PCDHGB4: variants seen among roughly 807,000 people sequenced by gnomAD.
PCDHGB4 encodes protocadherin gamma-B4.
A neutral mutation model predicts 60.5 loss-of-function variants in PCDHGB4; 38 were observed. That is an observed-to-expected ratio of 0.63 (90% CI 0.48 to 0.82). The LOEUF (loss-of-function observed/expected upper bound fraction) is 0.82. Ranked by LOEUF, PCDHGB4 falls within the 40% of genes least tolerant of loss-of-function variation. The probability of loss-of-function intolerance (pLI) is 0.00; values close to 1 mark genes in which losing one functional copy is unlikely to be tolerated. For missense variants in PCDHGB4, 1,109 were observed against 1,209.6 expected (o/e 0.92, Z 1.23); for synonymous variants, 456 against 509.7 (o/e 0.89, Z 1.42).
At position 141,421,347 on chromosome 5, in the gene PCDHGB4, C is replaced by T. The variant is rs147068995; in HGVS notation, c.2397+31066C>T. 359 of 1,613,948 alleles carry T rather than the reference C, an allele frequency of 2.2e-4. 2 individuals carry two copies. In the East Asian group the frequency reaches 6.5e-3, roughly 29 times the overall value. On this transcript the variant is annotated intron_variant, in intron 1 of 3. Coordinates refer to ENST00000519479, the MANE Select transcript of PCDHGB4 (RefSeq NM_003736.4). ...TCCGATATTCGGTGCCAGAAGAGAC[C>T]GAAAAGGGCTCCTTCGTGGGCAATA...
intron 1 of PCDHGB4, chr5:141,403,381 C>T (rs1022563452): frequency 4.3e-6 from 7 of 1,614,038 alleles, no homozygotes; most frequent in Non-Finnish European, 8.5e-7. Context: ...TAAAAATTAA[C>T]GAAATCGCGG....
At position 141,423,756 on chromosome 5, in the gene PCDHGB4, G is replaced by GGA. The variant is rs1554116833; in HGVS notation, c.2397+33476_2397+33477insAG. 3 of 448,454 alleles carry GGA rather than the reference G, an allele frequency of 6.7e-6. No individual in the cohort carries two copies. In the African/African-American group the frequency reaches 8.4e-5, roughly 13 times the overall value. The allele number at this position is 448,454 out of a possible 1,614,324, so 27.8% of individuals were successfully genotyped here. A position where few individuals can be genotyped will look rare whatever the true frequency, so the allele number is the denominator to read the frequency against. ...GCCTGTTATGAAAACTGTTTGGGGG[G>GGA]GGGGTGGGGCGGCATATATTTAGTT... On this transcript the variant is annotated intron_variant, in intron 1 of 3. Coordinates refer to ENST00000519479, the MANE Select transcript of PCDHGB4 (RefSeq NM_003736.4).
In PCDHGB4 at chr5:141,486,697, C is replaced by T. The variant is rs146956400; in HGVS notation, c.2398-8110C>T. 89 of 1,614,058 alleles carry T rather than the reference C, an allele frequency of 5.5e-5. No homozygotes were observed. Among genetic ancestry groups the T allele is most frequent in the Non-Finnish European group, 7.4e-5 (87 of 1,180,040 alleles). ...GAGATGTATCAGCTTCCTCTTTCAT[C>T]TCTCTGAACCCCCAGACAGGAGCTG... On this transcript the variant is annotated intron_variant, in intron 1 of 3. Coordinates refer to ENST00000519479, the MANE Select transcript of PCDHGB4 (RefSeq NM_003736.4). The surrounding 1 kb of genome is among the most constrained non-coding windows in gnomAD (Gnocchi z 5.0).
Position 141,477,412 on chromosome 5 carries a change from C to T in PCDHGB4, c.2398-17395C>T. 6 of 1,614,168 alleles carry T rather than the reference C, an allele frequency of 3.7e-6. No individual in the cohort carries two copies. The highest frequency in any genetic ancestry group is 1.1e-5 in the South Asian group (1 of 91,082). On this transcript the variant is annotated intron_variant, in intron 1 of 3. Coordinates refer to ENST00000519479, the MANE Select transcript of PCDHGB4 (RefSeq NM_003736.4). This position sits in a 1 kb window ranked among gnomAD's most constrained non-coding sequence, Gnocchi z 4.9. ...ACCTCAGCATCACCGCCCGAGACGC[C>T]GGAACCCCTTCCCTCTCAGCCCTTA... is the stretch of plus-strand genomic sequence containing the variant.
intron 1 of PCDHGB4, chr5:141,415,453 G>A (rs759873920): frequency 1.9e-6 from 3 of 1,614,176 alleles, no homozygotes. Context: ...CTATTCCCAC[G>A]AGGTCTCTCT....
intron 1 of PCDHGB4, chr5:141,391,083 G>C (rs974357992): frequency 1.3e-5 from 2 of 152,152 alleles, no homozygotes; most frequent in Non-Finnish European, 2.9e-5. Flanking sequence ...ATGTGTAACT[G>C]CCTTATCTGC....
chr5:141,488,748 T>C (rs2099679003), intron 1 of PCDHGB4, among the ~76,000 whole-genome samples: 1 of 152,270 alleles, frequency 6.6e-6, no homozygotes, highest in African/African-American at 2.4e-5. Flanking sequence ...ATGCAGGAAG[T>C]TGCTGGGACA....
intron 1 of PCDHGB4, among the ~76,000 whole-genome samples, chr5:141,455,253 C>T (rs187877877): frequency 6.6e-6 from 1 of 151,986 alleles, no homozygotes; most frequent in East Asian, 1.9e-4. Flanking sequence ...ATAGTACAAT[C>T]GCATTTCTTC....
At chr5:141,394,243 A>G (rs2092952699) in intron 1 of PCDHGB4, 2 of 1,613,844 alleles carry the variant, frequency 1.2e-6, no homozygotes, top group East Asian at 4.5e-5. Context: ...TTGACTGCAC[A>G]CGACCCCGAC....
chr5:141,457,111 G>A (rs922281700), intron 1 of PCDHGB4, among the ~76,000 whole-genome samples: 4 of 152,120 alleles, frequency 2.6e-5, no homozygotes, highest in South Asian at 2.1e-4. Flanking sequence ...AGCAAAATAC[G>A]ACAGCAATGG....
intron 1 of PCDHGB4, chr5:141,422,005 A>G (rs2154549470): frequency 6.2e-7 from 1 of 1,609,814 alleles, no homozygotes; most frequent in Middle Eastern, 1.7e-4. Context: ...CAGCTCCGGA[A>G]CTCGGGTGCT....
rs1407016089 is a variant in PCDHGB4 at position 141,489,914 on chromosome 5, C to T, written c.2398-4893C>T. On this transcript the variant is annotated intron_variant, in intron 1 of 3. Coordinates refer to ENST00000519479, the MANE Select transcript of PCDHGB4 (RefSeq NM_003736.4). The surrounding 1 kb of genome is among the most constrained non-coding windows in gnomAD (Gnocchi z 4.5). Reference sequence around the variant, plus strand: ...GGGGGGACCCCAGCCCGCTCAGGGACCACCCTTATCTCTGTCATCGTGCTG... The same window carrying T: ...GGGGGGACCCCAGCCCGCTCAGGGATCACCCTTATCTCTGTCATCGTGCTG... 3 of 1,614,094 alleles carry T rather than the reference C, an allele frequency of 1.9e-6. No individual in the cohort carries two copies. Among genetic ancestry groups the T allele is most frequent in the African/African-American group, 2.7e-5 (2 of 74,936 alleles).
intron 1 of PCDHGB4, chr5:141,426,765 G>A (rs1343961009): frequency 1.8e-5 from 8 of 456,530 alleles, no homozygotes; most frequent in Non-Finnish European, 3.5e-5. Flanking sequence ...AGATGCAGAT[G>A]TAGGGCCTCA....
At position 141,432,181 on chromosome 5, in the gene PCDHGB4, G is replaced by A. The variant is rs1443322706; in HGVS notation, c.2397+41900G>A. 3.7e-6 allele frequency: 6 copies of A among 1,614,116 alleles called. No homozygotes were observed. In the South Asian group the frequency reaches 6.6e-5, roughly 18 times the overall value. On this transcript the variant is annotated intron_variant, in intron 1 of 3. Coordinates refer to ENST00000519479, the MANE Select transcript of PCDHGB4 (RefSeq NM_003736.4). This position sits in a 1 kb window ranked among gnomAD's most constrained non-coding sequence, Gnocchi z 6.0. ...CCAGAGGAGTTTCCCTCGTCTCTGTGACCGCCCACGACCCCGACTGTGAAG... is the reference window on the plus strand; with the variant it reads ...CCAGAGGAGTTTCCCTCGTCTCTGTAACCGCCCACGACCCCGACTGTGAAG...
Position 141,487,767 on chromosome 5 carries a change from T to G in PCDHGB4, c.2398-7040T>G, listed in dbSNP as rs2099665569. The G allele has an allele frequency of 5.2e-6, 8 of 1,538,298 alleles. No homozygotes were observed. The African/African-American group carries it at 9.6e-5, about 18-fold the overall frequency. On this transcript the variant is annotated intron_variant, in intron 1 of 3. Transcript: ENST00000519479. This position sits in a 1 kb window ranked among gnomAD's most constrained non-coding sequence, Gnocchi z 5.0. ...GGTAACTATGTGGTAGACGCTGTGC[T>G]TTGTAACTGTTTCGTGAATTAACCA... is the stretch of plus-strand genomic sequence containing the variant.
intron 1 of PCDHGB4, among the ~76,000 whole-genome samples, chr5:141,397,623 T>A (rs2093546552): frequency 6.6e-6 from 1 of 152,242 alleles, no homozygotes; most frequent in South Asian, 2.1e-4. Context: ...TACTTAGTTC[T>A]AGCTAAGAGT....
chr5:141,466,799 C>T (rs1049340129), intron 1 of PCDHGB4, among the ~76,000 whole-genome samples: 1 of 152,056 alleles, frequency 6.6e-6, no homozygotes, highest in African/African-American at 2.4e-5. Flanking sequence ...CAAACTAGAT[C>T]CTATTCAGAC....
At position 141,431,549 on chromosome 5, in the gene PCDHGB4, G is replaced by A. The variant is rs750427346; in HGVS notation, c.2397+41268G>A. ...GGCCTTGGGCACGCAGCTGCTTGTA[G>A]TCAACGCTACCGACCCTGACGAAGG... On this transcript the variant is annotated intron_variant, in intron 1 of 3. Coordinates refer to ENST00000519479, the MANE Select transcript of PCDHGB4 (RefSeq NM_003736.4). This position sits in a 1 kb window ranked among gnomAD's most constrained non-coding sequence, Gnocchi z 4.8. The A allele has an allele frequency of 6.2e-7, 1 of 1,614,156 alleles. No homozygotes were observed. Among genetic ancestry groups the A allele is most frequent in the South Asian group, 1.1e-5 (1 of 91,090 alleles).
chr5:141,445,388 A>G (rs2098465525), intron 1 of PCDHGB4, among the ~76,000 whole-genome samples: 2 of 152,212 alleles, frequency 1.3e-5, no homozygotes, highest in African/African-American at 4.8e-5. Flanking sequence ...TCATTCATTT[A>G]CATAACAAAT....
Sources: gnomAD v4.1 joint callset for allele counts (sites outside exome capture counted in the v4.1 genomes callset) on GRCh38, gnomAD v4.1.1 for gene constraint, Gnocchi (gnomAD v3.1) non-coding constraint, MANE v1.5 for transcripts, NCBI Gene and HGNC (gene_info 2026-07-23, HGNC 2026-07-21) for gene names.